Variants in B3GAT2 observed in about 807,000 individuals in gnomAD.
B3GAT2 encodes galactosylgalactosylxylosylprotein 3-beta-glucuronosyltransferase 2.
Under a neutral mutation model 27.8 loss-of-function variants are expected in B3GAT2, and 26 were observed. The ratio of observed to expected loss-of-function variants is 0.93; its 90% confidence interval spans 0.68 to 1.30. The LOEUF (loss-of-function observed/expected upper bound fraction) is 1.30. Ranked by LOEUF, B3GAT2 falls within the 50% of genes most tolerant of loss-of-function variation. The pLI is 0.00. For missense variants in B3GAT2, 458 were observed against 459.0 expected, an observed-to-expected ratio of 1.00 and a Z score of 0.02; for synonymous variants, 218 against 195.1, an observed-to-expected ratio of 1.12 and a Z score of -0.98.
At chr6:70,902,980 C>T (rs1772532934) in intron 1 of B3GAT2, among the ~76,000 whole-genome samples, 1 of 151,752 alleles carries the variant, frequency 6.6e-6, no homozygotes, top group Non-Finnish European at 1.5e-5. Context: ...ATCATGGTGA[C>T]TATAGTTAAT....
intron 1 of B3GAT2, among the ~76,000 whole-genome samples, chr6:70,904,864 T>G (rs1252256632): frequency 6.6e-6 from 1 of 152,128 alleles, no homozygotes; most frequent in Non-Finnish European, 1.5e-5. Flanking sequence ...GAGGAAAATG[T>G]GCCTTCACAA....
In B3GAT2 at chr6:70,891,620, A is replaced by T. The variant is rs72918870; in HGVS notation, c.736+2508T>A. ...TGAGGGGCTTCTACTGAATGTGCTC[A>T]AACCCACAAATGTTCCATTTGGGCT... On this transcript the variant is annotated intron_variant, in intron 2 of 3. Transcript: ENST00000230053. Among the ~76,000 whole-genome samples the T allele has an allele frequency of 4.1e-3, 630 of 152,280 alleles. 1 individual carries two copies. The highest frequency in any genetic ancestry group is 6.8e-3 in the Non-Finnish European group (463 of 68,024).
chr6:70,933,124 A>C (rs2150046533), intron 1 of B3GAT2, among the ~76,000 whole-genome samples: 1 of 152,292 alleles, frequency 6.6e-6, no homozygotes, highest in East Asian at 1.9e-4. Context: ...ATGTCACTAG[A>C]TTTACAAGAG....
At chr6:70,935,188 G>C (rs147690454) in intron 1 of B3GAT2, among the ~76,000 whole-genome samples, 95 of 152,206 alleles carry the variant, frequency 6.2e-4, no homozygotes, top group African/African-American at 2.2e-3. Context: ...GCTCACACCA[G>C]TAATACCAGT....
chr6:70,885,017 C>T (rs1366013598), intron 2 of B3GAT2, among the ~76,000 whole-genome samples: 1 of 152,216 alleles, frequency 6.6e-6, no homozygotes, highest in African/African-American at 2.4e-5. Flanking sequence ...CCGGCCCCCA[C>T]GTTAGCAGTG....
Position 70,856,761 on chromosome 6 carries a change from T to G in B3GAT2, c.*4902A>C. On this transcript the variant is annotated 3_prime_UTR_variant, in exon 4 of 4. Coordinates refer to ENST00000230053, the MANE Select transcript of B3GAT2 (RefSeq NM_080742.3). ...CATTTTACCTTCTACAATTGTTTGA[T>G]TCCTATCTAATTTTATAACTTTATT... 8.0e-7 allele frequency: 1 copy of G among 1,256,876 alleles called. No homozygotes were observed. Among genetic ancestry groups the G allele is most frequent in the Non-Finnish European group, 1.1e-6 (1 of 925,418 alleles). The allele number at this position is 1,256,876 out of a possible 1,614,324, so 77.9% of individuals were successfully genotyped here. A position where few individuals can be genotyped will look rare whatever the true frequency, so the allele number is the denominator to read the frequency against.
At chr6:70,931,537 GGTCA>G (rs911893230) in intron 1 of B3GAT2, among the ~76,000 whole-genome samples, 1 of 152,074 alleles carries the variant, frequency 6.6e-6, no homozygotes, top group Non-Finnish European at 1.5e-5. Flanking sequence ...TCCCACATAT[GGTCA>G]GTGATTTTTG....
intron 2 of B3GAT2, among the ~76,000 whole-genome samples, chr6:70,872,834 T>C (rs1409797510): frequency 6.6e-6 from 1 of 151,992 alleles, no homozygotes; most frequent in Non-Finnish European, 1.5e-5. Flanking sequence ...TCTCTTGTCA[T>C]TTATCATTTG....
chr6:70,955,913 G>A lies in B3GAT2; in HGVS notation c.517C>T (p.His173Tyr). The A allele has an allele frequency of 1.2e-6, 2 of 1,600,668 alleles. No homozygotes were observed. The highest frequency in any genetic ancestry group is 1.1e-5 in the South Asian group (1 of 89,838). Residue 173 changes from histidine to tyrosine, a missense_variant, in exon 1 of 4, where the codon CAC (histidine) becomes TAC (tyrosine). Transcript: ENST00000230053. Reference protein sequence around the residue: ...GLAWLRQRHQHQRAQPGVLFF... With the variant: ...GLAWLRQRHQYQRAQPGVLFF... ...AGCACGCCGGGCTGCGCGCGCTGGT[G>A]CTGGTGCCTCTGGCGCAGCCAGGCG...
intron 2 of B3GAT2, among the ~76,000 whole-genome samples, chr6:70,869,456 T>C (rs1771900811): frequency 6.6e-6 from 1 of 152,228 alleles, no homozygotes; most frequent in Non-Finnish European, 1.5e-5. Flanking sequence ...AGAATTTTGA[T>C]AAAGATTGCA....
rs68188898 is a variant in B3GAT2, at chr6:70,858,287, CTTTTTTTTTTTTTT to C, written c.*3362_*3375del. The C allele has an allele frequency of 4.3e-4, 125 of 290,720 alleles. No individual in the cohort carries two copies. The highest frequency in any genetic ancestry group is 6.3e-4 in the Non-Finnish European group (111 of 177,324). 18.0% of individuals were successfully genotyped at this position (290,720 alleles called of 1,614,324 possible). A position where few individuals can be genotyped will look rare whatever the true frequency, so the allele number is the denominator to read the frequency against. On this transcript the variant is annotated 3_prime_UTR_variant, in exon 4 of 4. Coordinates refer to ENST00000230053, the MANE Select transcript of B3GAT2 (RefSeq NM_080742.3). Reference sequence around the variant, plus strand: ...ATCAAACCAGATTTATTTTCTAAATCTTTTTTTTTTTTTTTTTTTTTTTTTTTTAAGTCTAGTGA... The same window carrying C: ...ATCAAACCAGATTTATTTTCTAAATCTTTTTTTTTTTTTTAAGTCTAGTGA...
chr6:70,936,826 A>C (rs2150047772), intron 1 of B3GAT2, among the ~76,000 whole-genome samples: 1 of 152,314 alleles, frequency 6.6e-6, no homozygotes, highest in South Asian at 2.1e-4. Context: ...TGACACCCTA[A>C]CATCACAATT....
chr6:70,880,079 C>T (rs1352486523), intron 2 of B3GAT2, among the ~76,000 whole-genome samples: 5 of 2,974 alleles, frequency 1.7e-3, no homozygotes, highest in Admixed American at 4.8e-3. Flanking sequence ...GATGACGGGG[C>T]GTGGGGGTGG....
intron 2 of B3GAT2, among the ~76,000 whole-genome samples, chr6:70,889,332 C>T (rs1772245032): frequency 6.6e-6 from 1 of 152,168 alleles, no homozygotes; most frequent in Admixed American, 6.5e-5. Flanking sequence ...CCCCTTGAAA[C>T]TGCCACCATC....
Position 70,894,077 on chromosome 6 carries a change from G to A in B3GAT2, c.736+51C>T, listed in dbSNP as rs1772336222. On this transcript the variant is annotated intron_variant, in intron 2 of 3. Coordinates refer to ENST00000230053, the MANE Select transcript of B3GAT2 (RefSeq NM_080742.3). ...TCATCTAGTGCATCGTTATAAACAA[G>A]AGCATAAGAACAGTCCAGCAGGAAC... 2.7e-6 allele frequency: 4 copies of A among 1,470,896 alleles called. No individual in the cohort carries two copies. In the South Asian group the frequency reaches 6.2e-5, roughly 23 times the overall value. 91.1% of individuals were successfully genotyped at this position (1,470,896 alleles called of 1,614,324 possible).
At chr6:70,865,058 G>T (rs937952773) in intron 2 of B3GAT2, among the ~76,000 whole-genome samples, 21 of 152,210 alleles carry the variant, frequency 1.4e-4, no homozygotes, top group Non-Finnish European at 2.9e-4. Context: ...TGCATCTGCA[G>T]ATCCAACTAA....
At position 70,925,027 on chromosome 6, in the gene B3GAT2, C is replaced by T. The variant is rs183640023; in HGVS notation, c.592-30755G>A. Among the ~76,000 whole-genome samples the T allele has an allele frequency of 1.2e-3, 188 of 152,374 alleles. 2 individuals are homozygous for T. The highest frequency in any genetic ancestry group is 1.9e-3 in the Admixed American group (29 of 15,312). ...CAGATGGCACCACCTGACCTGCCAA[C>T]CAGTCCTGCGGCCTTCGCCCAGAAG... On this transcript the variant is annotated intron_variant, in intron 1 of 3. Transcript: ENST00000230053.
chr6:70,919,042 T>C (rs542157218), intron 1 of B3GAT2, among the ~76,000 whole-genome samples: 1 of 152,332 alleles, frequency 6.6e-6, no homozygotes, highest in East Asian at 1.9e-4. Context: ...CAATCAAACG[T>C]AGATTTGGTC....
chr6:70,865,300 C>T (rs914636598), intron 2 of B3GAT2, among the ~76,000 whole-genome samples: 1 of 152,002 alleles, frequency 6.6e-6, no homozygotes, highest in Non-Finnish European at 1.5e-5. Context: ...GTATTTTTAG[C>T]AGAGACGGGG....
Sources: allele counts gnomAD v4.1 joint callset (sites outside exome capture counted in the v4.1 genomes callset), GRCh38; gene constraint gnomAD v4.1.1; transcripts MANE v1.5; gene names NCBI Gene and HGNC (gene_info 2026-07-23, HGNC 2026-07-21).